Variants in GABRG3 observed in about 807,000 individuals in gnomAD.
The protein encoded by GABRG3 is gamma-aminobutyric acid type A receptor subunit gamma3.
A neutral mutation model predicts 48.8 loss-of-function variants in GABRG3; 25 were observed. The observed-to-expected ratio is 0.51, with a 90% CI of 0.37 to 0.72. GABRG3 has a LOEUF of 0.72. Among genes scored for constraint, GABRG3 ranks in the 30% least tolerant of loss-of-function variants. GABRG3 has a pLI of 0.00. For synonymous variants in GABRG3, 227 were observed against 217.6 expected, an observed-to-expected ratio of 1.04 and a Z score of -0.38; for missense variants, 394 against 577.9, an observed-to-expected ratio of 0.68 and a Z score of 3.26.
rs1170333632 is a variant in GABRG3, at chr15:26,976,755, G to A, written c.54-247G>A. On this transcript the variant is annotated intron_variant, in intron 1 of 9. Transcript: ENST00000615808. This position sits in a 1 kb window ranked among gnomAD's most constrained non-coding sequence, Gnocchi z 7.8. ...CGTTGTCTGTAGTTTAACTGGGATG[G>A]GGGATGGTCTTCTGGCATTTAATAA... 6.6e-6 allele frequency among the ~76,000 whole-genome samples: 1 copy of A among 152,138 alleles called. No homozygotes were observed. Among genetic ancestry groups the A allele is most frequent in the Non-Finnish European group, 1.5e-5 (1 of 68,040 alleles).
chr15:27,391,861 A>G (rs532939912), intron 5 of GABRG3, among the ~76,000 whole-genome samples: 44 of 152,330 alleles, frequency 2.9e-4, no homozygotes, highest in Admixed American at 2.2e-3. Flanking sequence ...ATATAGCTCA[A>G]TCAGCATGAA....
At chr15:27,061,920 C>T (rs1896653617) in intron 3 of GABRG3, among the ~76,000 whole-genome samples, 2 of 152,202 alleles carry the variant, frequency 1.3e-5, no homozygotes, top group Admixed American at 1.3e-4. Flanking sequence ...CCCTAGGAGG[C>T]ACTTCCATGT....
chr15:27,010,380 A>G (rs530439489), intron 2 of GABRG3, among the ~76,000 whole-genome samples: 1 of 152,358 alleles, frequency 6.6e-6, no homozygotes, highest in South Asian at 2.1e-4. Context: ...CAGGGTAAGC[A>G]GCTAATTAAA....
intron 6 of GABRG3, among the ~76,000 whole-genome samples, chr15:27,506,150 G>T (rs763287415): frequency 3.9e-5 from 6 of 152,122 alleles, no homozygotes; most frequent in Non-Finnish European, 8.8e-5. Context: ...CTGTCTAGAG[G>T]TTTATCAGTT....
chr15:27,169,865 C>T (rs1430621317), intron 3 of GABRG3, among the ~76,000 whole-genome samples: 3 of 152,102 alleles, frequency 2.0e-5, no homozygotes, highest in Non-Finnish European at 4.4e-5. Flanking sequence ...AAAGATGCTT[C>T]TGCTATCACA....
At chr15:26,992,650 T>A (rs535431619) in intron 2 of GABRG3, among the ~76,000 whole-genome samples, 34 of 152,330 alleles carry the variant, frequency 2.2e-4, no homozygotes, top group South Asian at 1.0e-3. Flanking sequence ...TGCATCAATA[T>A]CCATCAGAGA....
chr15:27,223,295 T>G (rs1251981775), intron 3 of GABRG3, among the ~76,000 whole-genome samples: 1 of 152,226 alleles, frequency 6.6e-6, no homozygotes, highest in African/African-American at 2.4e-5. Flanking sequence ...CCAGGGACTC[T>G]GTCTAGGTCC....
At chr15:27,425,448 CAAAAA>C (rs57986546) in intron 5 of GABRG3, among the ~76,000 whole-genome samples, 1 of 77,878 alleles carries the variant, frequency 1.3e-5, no homozygotes, top group African/African-American at 4.0e-5. Context: ...ACTAAAAATA[CAAAAA>C]AAAAAAAAAA....
At position 26,974,046 on chromosome 15, in the gene GABRG3, T is replaced by A. The variant is rs1314747896; in HGVS notation, c.53+2458T>A. Among the ~76,000 whole-genome samples, 1 of 152,226 alleles carries A rather than the reference T, an allele frequency of 6.6e-6. No individual in the cohort carries two copies. The highest frequency in any genetic ancestry group is 2.4e-5 in the African/African-American group (1 of 41,472). ...CAAAGCAAGGATTTTCCTGTGGGCC[T>A]GGTGGTCTGGCACTAGCAATGTGAG... On this transcript the variant is annotated intron_variant, in intron 1 of 9. Transcript: ENST00000615808. The surrounding 1 kb of genome is among the most constrained non-coding windows in gnomAD (Gnocchi z 4.3).
intron 5 of GABRG3, among the ~76,000 whole-genome samples, chr15:27,473,982 G>C (rs1295439145): frequency 6.6e-6 from 1 of 152,140 alleles, no homozygotes; most frequent in Non-Finnish European, 1.5e-5. Context: ...TTGTTTCATA[G>C]GCTTTACACA....
chr15:27,353,426 C>CTTTTTTTTTATT (rs367835979), intron 5 of GABRG3, among the ~76,000 whole-genome samples: 32 of 146,110 alleles, frequency 2.2e-4, no homozygotes, highest in African/African-American at 8.2e-4. Context: ...TTCTTTCTTT[C>CTTTTTTTTTATT]TATTTATTTA....
intron 3 of GABRG3, among the ~76,000 whole-genome samples, chr15:27,258,224 T>C (rs2140464642): frequency 6.6e-6 from 1 of 152,314 alleles, no homozygotes; most frequent in Middle Eastern, 3.4e-3. Flanking sequence ...GGATTAGGCA[T>C]ATAAAGCTAT....
intron 3 of GABRG3, among the ~76,000 whole-genome samples, chr15:27,123,294 A>G (rs541908564): frequency 6.6e-6 from 1 of 152,290 alleles, no homozygotes; most frequent in East Asian, 1.9e-4. Context: ...TCCCTGCAAA[A>G]TTAGTATATA....
rs1196552161 is a variant in GABRG3, at chr15:27,251,859, T to C, written c.271-74950T>C. Among the ~76,000 whole-genome samples, 4 of 152,254 alleles carry C rather than the reference T, an allele frequency of 2.6e-5. No homozygotes were observed. In the East Asian group the frequency reaches 7.8e-4, roughly 30 times the overall value. Reference sequence around the variant, plus strand: ...GCTTTCTCTGCTGGGTCCTACCCCCTGTCTCTGCCTCTGCCGCCTCTGATA... The same window carrying C: ...GCTTTCTCTGCTGGGTCCTACCCCCCGTCTCTGCCTCTGCCGCCTCTGATA... On this transcript the variant is annotated intron_variant, in intron 3 of 9. Coordinates refer to ENST00000615808, the MANE Select transcript of GABRG3 (RefSeq NM_033223.5).
intron 3 of GABRG3, among the ~76,000 whole-genome samples, chr15:27,190,139 T>A (rs1252730209): frequency 6.6e-6 from 1 of 152,240 alleles, no homozygotes; most frequent in Non-Finnish European, 1.5e-5. Flanking sequence ...AGTGTTTTAT[T>A]GAGGATTTTT....
intron 3 of GABRG3, among the ~76,000 whole-genome samples, chr15:27,130,773 T>C (rs1897902669): frequency 6.6e-6 from 1 of 152,092 alleles, no homozygotes; most frequent in Admixed American, 6.6e-5. Flanking sequence ...TTCTTTTTGG[T>C]ACTATTGTAA....
chr15:27,529,583 T>C (rs1891368663), intron 9 of GABRG3, among the ~76,000 whole-genome samples: 1 of 152,152 alleles, frequency 6.6e-6, no homozygotes, highest in South Asian at 2.1e-4. Context: ...ACTACATAGT[T>C]ATCTGCACTC....
chr15:27,101,590 C>G (rs1435280176), intron 3 of GABRG3, among the ~76,000 whole-genome samples: 1 of 152,056 alleles, frequency 6.6e-6, no homozygotes, highest in African/African-American at 2.4e-5. Flanking sequence ...GGAGTAGACA[C>G]ATAGATCTGA....
At chr15:27,050,850 T>C (rs562104815) in intron 3 of GABRG3, among the ~76,000 whole-genome samples, 136 of 152,310 alleles carry the variant, frequency 8.9e-4, no homozygotes, top group African/African-American at 2.9e-3. Context: ...TACAATTTAT[T>C]ACCAATAGCT....
Sources: gnomAD v4.1 joint callset for allele counts (sites outside exome capture counted in the v4.1 genomes callset) on GRCh38, gnomAD v4.1.1 for gene constraint, Gnocchi (gnomAD v3.1) non-coding constraint, MANE v1.5 for transcripts, NCBI Gene and HGNC (gene_info 2026-07-23, HGNC 2026-07-21) for gene names.